Variants in KHDRBS3 observed in about 807,000 individuals in gnomAD.
KHDRBS3 encodes KH RNA binding domain containing, signal transduction associated 3.
KHDRBS3 carries 23 observed loss-of-function variants against 45.6 expected under a neutral mutation model. That is an observed-to-expected ratio of 0.50 (90% confidence interval 0.36 to 0.72). The LOEUF is 0.72. KHDRBS3 is among the 30% of genes least tolerant of loss of function. The probability of loss-of-function intolerance (pLI) is 0.00; values close to 1 mark genes in which losing one functional copy is unlikely to be tolerated. For missense variants in KHDRBS3, 352 were observed against 424.8 expected, an observed-to-expected ratio of 0.83 and a Z score of 1.51; for synonymous variants, 162 against 156.5, an observed-to-expected ratio of 1.04 and a Z score of -0.26.
intron 1 of KHDRBS3, among the ~76,000 whole-genome samples, chr8:135,511,642 G>A (rs947868292): frequency 5.3e-5 from 8 of 151,976 alleles, no homozygotes; most frequent in Admixed American, 1.3e-4. Context: ...TGCAAGCCCC[G>A]CCTCCTGGGT....
intron 3 of KHDRBS3, among the ~76,000 whole-genome samples, chr8:135,543,809 C>G (rs1826158603): frequency 6.6e-6 from 1 of 152,134 alleles, no homozygotes; most frequent in South Asian, 2.1e-4. Context: ...TTTCTGACAA[C>G]AGCACCCGTA....
At chr8:135,614,424 T>A (rs555268563) in intron 7 of KHDRBS3, among the ~76,000 whole-genome samples, 1 of 151,972 alleles carries the variant, frequency 6.6e-6, no homozygotes, top group South Asian at 2.1e-4. Flanking sequence ...TAGTTTATAT[T>A]TGATGTCTTA....
intron 7 of KHDRBS3, among the ~76,000 whole-genome samples, chr8:135,617,461 A>G (rs1829967523): frequency 6.6e-6 from 1 of 151,976 alleles, no homozygotes; most frequent in Non-Finnish European, 1.5e-5. Context: ...TGTTTATAGT[A>G]GAGACAGGGT....
At chr8:135,553,325 A>G (rs981949243) in intron 4 of KHDRBS3, among the ~76,000 whole-genome samples, 2 of 152,050 alleles carry the variant, frequency 1.3e-5, no homozygotes, top group Non-Finnish European at 2.9e-5. Context: ...ACTTTGAACC[A>G]TTTCGTCAGT....
Position 135,607,048 on chromosome 8 carries a change from G to A in KHDRBS3, c.890+11G>A, listed in dbSNP as rs771221041. ...CACCCCAGCCCAAAGGTAAGAGTCA[G>A]TCTTTATTACCAGACCCCACAACAG... On this transcript the variant is annotated intron_variant, in intron 7 of 8. Coordinates refer to ENST00000355849, the MANE Select transcript of KHDRBS3 (RefSeq NM_006558.3). 5.0e-6 allele frequency: 8 copies of A among 1,600,056 alleles called. No homozygotes were observed. The South Asian group carries it at 8.8e-5, about 18-fold the overall frequency.
rs531308024 is a variant in KHDRBS3, at chr8:135,531,010, G to C, written c.207+9655G>C. Among the ~76,000 whole-genome samples the C allele has an allele frequency of 9.2e-5, 14 of 152,248 alleles. No homozygotes were observed. The East Asian group carries it at 2.7e-3, about 29-fold the overall frequency. ...ACTTGTAGCCTGACTTTTGTAGTCT[G>C]GGATTTTCTGAATTAACGGTTTCAT... On this transcript the variant is annotated intron_variant, in intron 2 of 8. Transcript: ENST00000355849.
chr8:135,602,984 G>A (rs1829285551), intron 6 of KHDRBS3, among the ~76,000 whole-genome samples: 2 of 152,224 alleles, frequency 1.3e-5, no homozygotes, highest in East Asian at 1.9e-4. Context: ...TTTTTCACCT[G>A]CTGTTCATTC....
chr8:135,603,828 G>A (rs926335469), intron 6 of KHDRBS3, among the ~76,000 whole-genome samples: 1 of 152,116 alleles, frequency 6.6e-6, no homozygotes, highest in South Asian at 2.1e-4. Flanking sequence ...AAGACTTACG[G>A]TCTATCCTGA....
intron 3 of KHDRBS3, among the ~76,000 whole-genome samples, chr8:135,543,643 A>C (rs553153793): frequency 9.2e-5 from 14 of 152,340 alleles, no homozygotes; most frequent in African/African-American, 3.4e-4. Context: ...AACATGTTAC[A>C]TGCATTCCTT....
intron 7 of KHDRBS3, among the ~76,000 whole-genome samples, chr8:135,633,082 G>A (rs1053458065): frequency 9.2e-5 from 14 of 152,072 alleles, no homozygotes; most frequent in African/African-American, 3.1e-4. Context: ...ATCATGCGAC[G>A]TATTATTTAT....
intron 2 of KHDRBS3, among the ~76,000 whole-genome samples, chr8:135,522,836 A>G (rs1266836991): frequency 1.3e-5 from 2 of 152,162 alleles, no homozygotes; most frequent in African/African-American, 2.4e-5. Flanking sequence ...ATTTTTGTAT[A>G]TGGTATGAGA....
chr8:135,520,702 G>C (rs1051529339), intron 1 of KHDRBS3, among the ~76,000 whole-genome samples: 28 of 152,200 alleles, frequency 1.8e-4, no homozygotes, highest in Non-Finnish European at 4.1e-4. Context: ...GTAGAGCGAA[G>C]AGCATTAGTA....
At chr8:135,580,935 T>C (rs903699008) in intron 5 of KHDRBS3, among the ~76,000 whole-genome samples, 1 of 152,208 alleles carries the variant, frequency 6.6e-6, no homozygotes, top group African/African-American at 2.4e-5. Context: ...ATTTCTGATA[T>C]TGGTGTTTGG....
chr8:135,631,094 C>CA (rs1008600967), intron 7 of KHDRBS3, among the ~76,000 whole-genome samples: 14 of 151,788 alleles, frequency 9.2e-5, no homozygotes, highest in East Asian at 1.9e-4. Flanking sequence ...ACTAAAAATA[C>CA]AAAAAAATTA....
intron 2 of KHDRBS3, among the ~76,000 whole-genome samples, chr8:135,524,967 A>C (rs1047489184): frequency 2.6e-5 from 4 of 152,156 alleles, no homozygotes; most frequent in Non-Finnish European, 4.4e-5. Context: ...TAGGTCCTTG[A>C]ACATCTCTGT....
chr8:135,512,429 C>CGGGGGGG (rs67971673), intron 1 of KHDRBS3, among the ~76,000 whole-genome samples: 2 of 78,086 alleles, frequency 2.6e-5, no homozygotes. Flanking sequence ...TTGGAAAAGT[C>CGGGGGGG]GGGGGGGGGG....
intron 6 of KHDRBS3, among the ~76,000 whole-genome samples, chr8:135,587,294 A>G (rs1039407240): frequency 6.6e-6 from 1 of 152,204 alleles, no homozygotes; most frequent in Non-Finnish European, 1.5e-5. Flanking sequence ...TAGCAAATAC[A>G]TCTATTTGAC....
At chr8:135,585,085 CGG>C (rs1828402554) in intron 6 of KHDRBS3, among the ~76,000 whole-genome samples, 3 of 151,234 alleles carry the variant, frequency 2.0e-5, no homozygotes, top group Admixed American at 2.0e-4. Context: ...AAAAATTAGC[CGG>C]GTGTAGTGGT....
intron 6 of KHDRBS3, among the ~76,000 whole-genome samples, chr8:135,590,575 T>TA (rs1310591744): frequency 1.3e-5 from 2 of 152,132 alleles, no homozygotes; most frequent in Non-Finnish European, 2.9e-5. Context: ...GTTTTTGAAA[T>TA]AAAAAATTGT....
Sources: allele counts gnomAD v4.1 joint callset (sites outside exome capture counted in the v4.1 genomes callset), GRCh38; gene constraint gnomAD v4.1.1; transcripts MANE v1.5; gene names NCBI Gene and HGNC (gene_info 2026-07-23, HGNC 2026-07-21).